Variants in ADNP2 observed in about 807,000 individuals in gnomAD.
The protein encoded by ADNP2 is ADNP homeobox 2.
In ADNP2, 8 loss-of-function variants were observed where a neutral mutation model predicts 16.4. The ratio of observed to expected loss-of-function variants is 0.49; its 90% CI spans 0.29 to 0.88. The LOEUF (loss-of-function observed/expected upper bound fraction) is 0.88, where lower values mean the gene tolerates loss of function less well. Among genes scored for constraint, ADNP2 ranks in the 40% least tolerant of loss-of-function variants. The pLI is 0.09. For synonymous variants in ADNP2, 637 were observed against 545.8 expected (o/e 1.17, Z -2.33); for missense variants, 1,397 against 1,395.1 (o/e 1.00, Z -0.02).
intron 2 of ADNP2, among the ~76,000 whole-genome samples, chr18:80,132,688 C>G (rs71369937): frequency 1.3e-5 from 2 of 149,000 alleles, no homozygotes; most frequent in African/African-American, 5.0e-5. Flanking sequence ...CCCCTCTCTC[C>G]TCTCCCCTCC....
Position 80,138,003 on chromosome 18 carries a change from G to A in ADNP2, c.2590G>A (p.Glu864Lys), listed in dbSNP as rs2052553977. ...GTATGTGAAGGTGAGGCCTCAGGCT[G>A]AGGGCACCCCCGGGAGCACCGGCAA... ...PVYVKVRPQA[E>K]GTPGSTGKRV... The change falls in exon 4 of 4, where the codon GAG becomes AAG. Residue 864 changes from glutamate to lysine, a missense_variant. By Grantham distance (56) the Glu-to-Lys change is moderately conservative. Coordinates refer to ENST00000262198, the MANE Select transcript of ADNP2 (RefSeq NM_014913.4). 6.2e-7 allele frequency: 1 copy of A among 1,613,552 alleles called. No homozygotes were observed. Among genetic ancestry groups the A allele is most frequent in the East Asian group, 2.2e-5 (1 of 44,878 alleles).
intron 1 of ADNP2, among the ~76,000 whole-genome samples, chr18:80,116,707 C>G (rs1253728627): frequency 6.6e-6 from 1 of 152,182 alleles, no homozygotes; most frequent in Non-Finnish European, 1.5e-5. Flanking sequence ...CGTGATCAGA[C>G]TCACTGCAGC....
chr18:80,113,600 G>T (rs1217932773), intron 1 of ADNP2, among the ~76,000 whole-genome samples: 1 of 152,016 alleles, frequency 6.6e-6, no homozygotes, highest in South Asian at 2.1e-4. Context: ...ATATCTTACG[G>T]TTCTTATCCT....
At chr18:80,133,722 G>C (rs1043967101) in intron 3 of ADNP2, 1 of 155,682 alleles carries the variant, frequency 6.4e-6, no homozygotes, top group Admixed American at 6.4e-5. Flanking sequence ...ATCAGACTCA[G>C]CTCATCCCAG....
chr18:80,130,564 A>G (rs1212330013), intron 2 of ADNP2, among the ~76,000 whole-genome samples: 4 of 152,310 alleles, frequency 2.6e-5, no homozygotes, highest in Non-Finnish European at 4.4e-5. Context: ...GGACTTTACA[A>G]TTTTAGAAAT....
At chr18:80,123,518 C>A (rs773864314) in intron 2 of ADNP2, among the ~76,000 whole-genome samples, 2 of 151,166 alleles carry the variant, frequency 1.3e-5, no homozygotes, top group Non-Finnish European at 2.9e-5. Flanking sequence ...TTCAGGCATG[C>A]GCCACCACAC....
intron 2 of ADNP2, among the ~76,000 whole-genome samples, chr18:80,125,904 C>CACAAAAA (rs1398197154): frequency 6.6e-6 from 1 of 152,130 alleles, no homozygotes; most frequent in Non-Finnish European, 1.5e-5. Flanking sequence ...CACGGTGTGG[C>CACAAAAA]AGGATTGAGT....
chr18:80,138,526 T>G lies in ADNP2; in HGVS notation c.3113T>G (p.Ile1038Ser). 6.2e-7 allele frequency: 1 copy of G among 1,613,998 alleles called. No individual in the cohort carries two copies. The highest frequency in any genetic ancestry group is 8.5e-7 in the Non-Finnish European group (1 of 1,180,018). The change falls in exon 4 of 4, where the codon ATT becomes AGT. Residue 1038 changes from isoleucine (I) to serine (S), a missense_variant. Around this residue, in one of 3 missense-constraint regions of ADNP2, gnomAD observed 611 missense variants for 648.7 expected, o/e 0.94. Coordinates refer to ENST00000262198, the MANE Select transcript of ADNP2 (RefSeq NM_014913.4). ...GPIVKDEALQ[I>S]LALDPKKYEG... is the part of the protein sequence containing the mutation. ...ATTGTCAAGGACGAGGCTCTTCAGA[T>G]TTTAGCATTAGATCCTAAAAAATAT...
intron 2 of ADNP2, 40 bp from the exon 3 acceptor site, chr18:80,133,062 CT>C: frequency 7.4e-7 from 1 of 1,359,782 alleles, no homozygotes; most frequent in Non-Finnish European, 1.0e-6. Context: ...TCTTTATCTT[CT>C]GAATTTACAT....
intron 1 of ADNP2, among the ~76,000 whole-genome samples, chr18:80,111,506 A>T (rs1200260550): frequency 6.6e-6 from 1 of 152,014 alleles, no homozygotes; most frequent in East Asian, 1.9e-4. Context: ...ATTTCACAGG[A>T]ACTAAAAAAA....
chr18:80,133,016 C>T (rs1001942467), intron 2 of ADNP2, 87 bp from the exon 3 acceptor site: 64 of 974,094 alleles, frequency 6.6e-5, no homozygotes, highest in Middle Eastern at 3.2e-4. Context: ...CCACTATGCC[C>T]GGCCTTATAA....
At chr18:80,132,721 G>GTC (rs1295863954) in intron 2 of ADNP2, among the ~76,000 whole-genome samples, 27 of 123,086 alleles carry the variant, frequency 2.2e-4, no homozygotes, top group South Asian at 1.7e-3. Flanking sequence ...CCCTCTTTCT[G>GTC]TCTCTCTCTC....
intron 2 of ADNP2, among the ~76,000 whole-genome samples, chr18:80,123,679 T>A (rs983687965): frequency 3.3e-5 from 5 of 152,120 alleles, no homozygotes; most frequent in Non-Finnish European, 1.5e-5. Context: ...CCTCCTCTTC[T>A]ATTTTTTTGT....
At chr18:80,117,088 G>T (rs1229847315) in intron 1 of ADNP2, among the ~76,000 whole-genome samples, 1 of 152,204 alleles carries the variant, frequency 6.6e-6, no homozygotes, top group Non-Finnish European at 1.5e-5. Context: ...TTCCTTATTA[G>T]AAAGGAATAA....
At chr18:80,121,149 C>T (rs2052422310) in intron 2 of ADNP2, among the ~76,000 whole-genome samples, 1 of 152,096 alleles carries the variant, frequency 6.6e-6, no homozygotes. Flanking sequence ...TTACTTTTTT[C>T]TCCTTCCTCC....
intron 2 of ADNP2, among the ~76,000 whole-genome samples, chr18:80,124,428 A>G (rs2052444990): frequency 6.6e-6 from 1 of 152,154 alleles, no homozygotes. Context: ...GGAAATACTT[A>G]CTTATATTTA....
At position 80,137,886 on chromosome 18, in the gene ADNP2, T is replaced by G; in HGVS notation, c.2473T>G (p.Phe825Val). The change falls in exon 4 of 4, where the codon TTC becomes GTC. Residue 825 changes from phenylalanine (F) to valine (V), a missense_variant. Transcript: ENST00000262198. The surrounding 1 kb of genome is among the most constrained non-coding windows in gnomAD (Gnocchi z 4.2). ...NGNLLFPHLD[F>V]ITILPKEKLG... Reference sequence around the variant, plus strand: ...CAACCTGCTCTTTCCCCACCTTGATTTCATCACCATATTGCCAAAGGAGAA... The same window carrying G: ...CAACCTGCTCTTTCCCCACCTTGATGTCATCACCATATTGCCAAAGGAGAA... 1 of 1,614,026 alleles carries G rather than the reference T, an allele frequency of 6.2e-7. No individual in the cohort carries two copies. The highest frequency in any genetic ancestry group is 8.5e-7 in the Non-Finnish European group (1 of 1,180,028).
At chr18:80,117,801 A>T in intron 2 of ADNP2, 151 bp downstream of exon 2, 1 of 570,412 alleles carries the variant, frequency 1.8e-6, no homozygotes. Context: ...TGTCTTTATG[A>T]CATAAAGTGA....
At chr18:80,112,925 C>T (rs192468882) in intron 1 of ADNP2, among the ~76,000 whole-genome samples, 10 of 152,280 alleles carry the variant, frequency 6.6e-5, no homozygotes, top group African/African-American at 2.2e-4. Flanking sequence ...GTTTGTCAGC[C>T]AGCTTTTGGA....
Sources: gnomAD v4.1 joint callset for allele counts (sites outside exome capture counted in the v4.1 genomes callset) on GRCh38, gnomAD v4.1.1 for gene constraint, gnomAD v4.1.1 regional missense constraint, Gnocchi (gnomAD v3.1) non-coding constraint, MANE v1.5 for transcripts, NCBI Gene and HGNC (gene_info 2026-07-23, HGNC 2026-07-21) for gene names.